ZNF804B: variants seen among roughly 807,000 people sequenced by gnomAD.
ZNF804B encodes zinc finger protein 804B, also known as zinc finger 804B.
A neutral mutation model predicts 101.4 loss-of-function variants in ZNF804B; 80 were observed. The ratio of observed to expected loss-of-function variants is 0.79; its 90% confidence interval spans 0.66 to 0.95. ZNF804B has a LOEUF of 0.95. ZNF804B is among the 40% of genes least tolerant of loss of function. The pLI is 0.00. For synonymous variants in ZNF804B, 622 were observed against 558.8 expected, an observed-to-expected ratio of 1.11 and a Z score of -1.59; for missense variants, 1,673 against 1,561.9, an observed-to-expected ratio of 1.07 and a Z score of -1.20.
chr7:88,794,391 G>A (rs371691831), intron 1 of ZNF804B: 3 of 1,613,812 alleles, frequency 1.9e-6, no homozygotes, highest in Non-Finnish European at 2.5e-6. Flanking sequence ...TCTGGCAAAG[G>A]TAGAGTGACA....
rs145971341 is a variant in ZNF804B, at chr7:89,317,986, A to G, written c.250-9358A>G. On this transcript the variant is annotated intron_variant, in intron 2 of 3. Coordinates refer to ENST00000333190, the MANE Select transcript of ZNF804B (RefSeq NM_181646.5). ...TATGTAGCAGATTCAACAGAATTAT[A>G]TTACATCTTAATCAGCAACAGTTTA... Among the ~76,000 whole-genome samples, 899 of 152,338 alleles carry G rather than the reference A, an allele frequency of 5.9e-3. 9 individuals are homozygous for G. The highest frequency in any genetic ancestry group is 0.021 in the African/African-American group (873 of 41,584).
chr7:88,901,628 G>C (rs1232406974), intron 1 of ZNF804B, among the ~76,000 whole-genome samples: 1 of 151,486 alleles, frequency 6.6e-6, no homozygotes, highest in Non-Finnish European at 1.5e-5. Flanking sequence ...GGTTATATTA[G>C]AGAGAGAAAG....
intron 1 of ZNF804B, among the ~76,000 whole-genome samples, chr7:89,038,111 T>G (rs1788957011): frequency 6.6e-6 from 1 of 152,180 alleles, no homozygotes; most frequent in Non-Finnish European, 1.5e-5. Context: ...TATCTTGTCT[T>G]GTGTCAATAA....
chr7:89,180,455 G>C (rs1330953959), intron 1 of ZNF804B, among the ~76,000 whole-genome samples: 2 of 151,970 alleles, frequency 1.3e-5, no homozygotes, highest in African/African-American at 4.8e-5. Flanking sequence ...CCAATGGTGG[G>C]TACTGCCTGA....
At chr7:89,042,250 G>T (rs1225992746) in intron 1 of ZNF804B, among the ~76,000 whole-genome samples, 2 of 152,118 alleles carry the variant, frequency 1.3e-5, no homozygotes, top group Non-Finnish European at 2.9e-5. Flanking sequence ...TAATATGAGG[G>T]ATAATAATGT....
At chr7:88,991,178 T>C (rs1030499000) in intron 1 of ZNF804B, among the ~76,000 whole-genome samples, 1 of 152,170 alleles carries the variant, frequency 6.6e-6, no homozygotes, top group Non-Finnish European at 1.5e-5. Context: ...GATTTGATTT[T>C]CCTCATGATT....
intron 1 of ZNF804B, among the ~76,000 whole-genome samples, chr7:88,857,104 T>G (rs1276652306): frequency 6.6e-6 from 1 of 151,836 alleles, no homozygotes; most frequent in Non-Finnish European, 1.5e-5. Flanking sequence ...TGGGACACAT[T>G]CAAAGCAGTG....
intron 1 of ZNF804B, among the ~76,000 whole-genome samples, chr7:89,057,537 A>G (rs997079893): frequency 7.2e-5 from 11 of 152,124 alleles, no homozygotes; most frequent in African/African-American, 2.7e-4. Context: ...ATTAATTAAA[A>G]CTATACCATT....
intron 2 of ZNF804B, among the ~76,000 whole-genome samples, chr7:89,273,206 T>C (rs1310382923): frequency 2.0e-5 from 3 of 151,978 alleles, no homozygotes; most frequent in Admixed American, 2.0e-4. Flanking sequence ...AAAATTAACT[T>C]CAAAAGACAG....
intron 1 of ZNF804B, among the ~76,000 whole-genome samples, chr7:88,931,556 C>T (rs1792885782): frequency 6.6e-6 from 1 of 151,836 alleles, no homozygotes; most frequent in African/African-American, 2.4e-5. Flanking sequence ...TTAAGAAAAA[C>T]TGATAAGGGA....
rs192726633 is a variant in ZNF804B, at chr7:88,893,968, G to A, written c.108+133884G>A. Among the ~76,000 whole-genome samples the A allele has an allele frequency of 3.9e-5, 6 of 152,012 alleles. No homozygotes were observed. The East Asian group carries it at 1.2e-3, about 29-fold the overall frequency. ...GGAAAATTAGATAAATTTATTATTA[G>A]CATGTATCTGAAATAAATAATACCA... On this transcript the variant is annotated intron_variant, in intron 1 of 3. Transcript: ENST00000333190.
chr7:89,072,931 T>C (rs1789564657), intron 1 of ZNF804B, among the ~76,000 whole-genome samples: 1 of 152,116 alleles, frequency 6.6e-6, no homozygotes, highest in Non-Finnish European at 1.5e-5. Context: ...ATTAGGTTTC[T>C]GAAATGAGTT....
intron 1 of ZNF804B, among the ~76,000 whole-genome samples, chr7:89,184,745 A>G (rs1788350291): frequency 6.6e-6 from 1 of 152,142 alleles, no homozygotes; most frequent in Admixed American, 6.6e-5. Flanking sequence ...CTAGAGAGCT[A>G]TATTTGGAAC....
Position 88,972,158 on chromosome 7 carries a change from A to G in ZNF804B, c.108+212074A>G, listed in dbSNP as rs1793548314. 3.3e-5 allele frequency among the ~76,000 whole-genome samples: 5 copies of G among 151,568 alleles called. No homozygotes were observed. The South Asian group carries it at 1.0e-3, about 31-fold the overall frequency. On this transcript the variant is annotated intron_variant, in intron 1 of 3. Coordinates refer to ENST00000333190, the MANE Select transcript of ZNF804B (RefSeq NM_181646.5). ...ATGACATTGAGCTCAAAGCTTCACT[A>G]AAAATGGAATTTGAATTGTGTATTT... is the stretch of plus-strand genomic sequence containing the variant.
At chr7:89,048,027 G>A (rs1789139254) in intron 1 of ZNF804B, among the ~76,000 whole-genome samples, 1 of 151,968 alleles carries the variant, frequency 6.6e-6, no homozygotes, top group African/African-American at 2.4e-5. Flanking sequence ...CTTTAGTGGT[G>A]ATTTTGGTGC....
At chr7:89,151,285 A>G (rs1465944377) in intron 1 of ZNF804B, among the ~76,000 whole-genome samples, 1 of 152,082 alleles carries the variant, frequency 6.6e-6, no homozygotes, top group East Asian at 1.9e-4. Flanking sequence ...TAAAGTCTGA[A>G]CAGGAATTGT....
At chr7:89,241,293 A>G (rs1789366324) in intron 2 of ZNF804B, among the ~76,000 whole-genome samples, 1 of 152,106 alleles carries the variant, frequency 6.6e-6, no homozygotes, top group South Asian at 2.1e-4. Context: ...GTACTTTTCC[A>G]TGAGATGAAG....
chr7:89,025,538 C>T (rs1788736435), intron 1 of ZNF804B, among the ~76,000 whole-genome samples: 1 of 152,048 alleles, frequency 6.6e-6, no homozygotes, highest in Non-Finnish European at 1.5e-5. Context: ...CTATAAACGT[C>T]CCAGAAAAAC....
chr7:88,828,351 A>G (rs1791078326), intron 1 of ZNF804B, among the ~76,000 whole-genome samples: 1 of 151,994 alleles, frequency 6.6e-6, no homozygotes, highest in Non-Finnish European at 1.5e-5. Context: ...ACTCTACCCC[A>G]GGCCTTTCTG....
Sources: gnomAD v4.1 joint callset for allele counts (sites outside exome capture counted in the v4.1 genomes callset) on GRCh38, gnomAD v4.1.1 for gene constraint, MANE v1.5 for transcripts, NCBI Gene and HGNC (gene_info 2026-07-23, HGNC 2026-07-21) for gene names.